The following C1QTNF3 variants were observed in gnomAD, a reference collection of about 807,000 sequenced individuals.
C1QTNF3 encodes C1q and TNF related 3.
In C1QTNF3, 26 loss-of-function variants were observed where a neutral mutation model predicts 32.6. The ratio of observed to expected loss-of-function variants is 0.80; its 90% CI spans 0.58 to 1.11. The LOEUF is 1.11. Ranked by LOEUF, C1QTNF3 falls within the 50% of genes least tolerant of loss-of-function variation. C1QTNF3 has a pLI of 0.00. For synonymous variants in C1QTNF3, 155 were observed against 146.0 expected, an observed-to-expected ratio of 1.06 and a Z score of -0.44; for missense variants, 362 against 398.2, an observed-to-expected ratio of 0.91 and a Z score of 0.77.
the C1QTNF3 span, among the ~76,000 whole-genome samples, chr5:34,196,660 A>ATTTTTTT: frequency 2.1e-5 from 3 of 140,984 alleles, no homozygotes; most frequent in African/African-American, 2.6e-5. Flanking sequence ...TTAATTTTTA[A>ATTTTTTT]TTTTTTTTTT....
the C1QTNF3 span, among the ~76,000 whole-genome samples, chr5:34,211,518 T>C: frequency 6.7e-6 from 1 of 150,102 alleles, no homozygotes; most frequent in Non-Finnish European, 1.5e-5. Context: ...ATTAGGTATA[T>C]CTCCCAATGC....
At chr5:34,037,292 A>G (rs930034060) in intron 1 of C1QTNF3, among the ~76,000 whole-genome samples, 8 of 152,220 alleles carry the variant, frequency 5.3e-5, no homozygotes, top group Non-Finnish European at 1.2e-4. Flanking sequence ...ATTCATGAAA[A>G]AAATGAAGCA....
the C1QTNF3 span, chr5:34,219,767 G>T: frequency 6.6e-6 from 1 of 152,104 alleles, no homozygotes; most frequent in Non-Finnish European, 1.5e-5. Context: ...GTATTCCCAT[G>T]CCTAGTCAGG....
chr5:34,115,182 CTG>C, the C1QTNF3 span, among the ~76,000 whole-genome samples: 1 of 152,146 alleles, frequency 6.6e-6, no homozygotes, highest in East Asian at 1.9e-4. Flanking sequence ...TTATCCAGCT[CTG>C]TGTTTGTTGG....
chr5:34,166,127 T>A, the C1QTNF3 span: 1 of 151,554 alleles, frequency 6.6e-6, no homozygotes, highest in East Asian at 1.9e-4. Flanking sequence ...ATATAATATT[T>A]TCTATAATAT....
the C1QTNF3 span, among the ~76,000 whole-genome samples, chr5:34,081,891 T>G: frequency 6.6e-6 from 1 of 151,660 alleles, no homozygotes; most frequent in Non-Finnish European, 1.5e-5. Context: ...CCTACATAAT[T>G]TTCAATTAAT....
At chr5:34,025,691 A>G (rs1224646943) in intron 4 of C1QTNF3, among the ~76,000 whole-genome samples, 1 of 152,260 alleles carries the variant, frequency 6.6e-6, no homozygotes, top group Non-Finnish European at 1.5e-5. Flanking sequence ...TGGTATCACT[A>G]GAAGCTGAAC....
chr5:34,056,645 T>C, the C1QTNF3 span, among the ~76,000 whole-genome samples: 1 of 151,582 alleles, frequency 6.6e-6, no homozygotes, highest in Non-Finnish European at 1.5e-5. Flanking sequence ...CCCGAGCAGC[T>C]GAGACTACAG....
chr5:34,111,599 AT>A, the C1QTNF3 span, among the ~76,000 whole-genome samples: 569 of 150,108 alleles, frequency 3.8e-3, 7 homozygotes, highest in Middle Eastern at 0.031. Context: ...TGTACCAATT[AT>A]TTATTAGCTA....
the C1QTNF3 span, among the ~76,000 whole-genome samples, chr5:34,216,111 T>G: frequency 4.0e-3 from 608 of 152,378 alleles, 6 homozygotes; most frequent in African/African-American, 0.014. Context: ...GGTATGATAT[T>G]GGCAAAGAAT....
the C1QTNF3 span, among the ~76,000 whole-genome samples, chr5:34,098,989 T>C: frequency 5.9e-5 from 9 of 152,222 alleles, no homozygotes; most frequent in African/African-American, 1.9e-4. Flanking sequence ...CAAATGTACA[T>C]GTTAACTGGA....
the C1QTNF3 span, among the ~76,000 whole-genome samples, chr5:34,087,509 A>ATAAGATAT: frequency 6.6e-6 from 1 of 150,858 alleles, no homozygotes; most frequent in African/African-American, 2.4e-5. Flanking sequence ...ATTTAATTGT[A>ATAAGATAT]TAAGATATCT....
the C1QTNF3 span, among the ~76,000 whole-genome samples, chr5:34,123,122 C>T: frequency 6.6e-6 from 1 of 152,110 alleles, no homozygotes; most frequent in Admixed American, 6.5e-5. Context: ...CTAGAAGGTC[C>T]AGGCAGAGAA....
the C1QTNF3 span, among the ~76,000 whole-genome samples, chr5:34,142,886 A>G: frequency 6.6e-6 from 1 of 152,248 alleles, no homozygotes; most frequent in African/African-American, 2.4e-5. Flanking sequence ...GTGTGTACTT[A>G]CTTCCAAAGG....
chr5:34,244,006 AATATT>A, the C1QTNF3 span, among the ~76,000 whole-genome samples: 3 of 152,232 alleles, frequency 2.0e-5, no homozygotes. Context: ...ATTAGAATAT[AATATT>A]TTTTAAGGGG....
the C1QTNF3 span, among the ~76,000 whole-genome samples, chr5:34,235,545 T>C: frequency 3.6e-5 from 5 of 137,546 alleles, no homozygotes; most frequent in Non-Finnish European, 7.7e-5. Flanking sequence ...TATTTCTTTT[T>C]CTTTTTTTTT....
At chr5:34,163,148 A>AT in the C1QTNF3 span, among the ~76,000 whole-genome samples, 1 of 152,034 alleles carries the variant, frequency 6.6e-6, no homozygotes, top group African/African-American at 2.4e-5. Flanking sequence ...TTGCATATCC[A>AT]TTTTTGGAGG....
the C1QTNF3 span, among the ~76,000 whole-genome samples, chr5:34,049,369 G>A: frequency 1.3e-5 from 2 of 152,114 alleles, no homozygotes; most frequent in Non-Finnish European, 2.9e-5. Flanking sequence ...AGGACACAGT[G>A]ACCTTCCCCA....
At chr5:34,204,292 T>C in the C1QTNF3 span, among the ~76,000 whole-genome samples, 1 of 152,204 alleles carries the variant, frequency 6.6e-6, no homozygotes, top group Non-Finnish European at 1.5e-5. Context: ...GATAATTATA[T>C]GAAAAAGGTA....
Sources: allele counts gnomAD v4.1 joint callset (sites outside exome capture counted in the v4.1 genomes callset), GRCh38; gene constraint gnomAD v4.1.1; transcripts MANE v1.5; gene names NCBI Gene and HGNC (gene_info 2026-07-23, HGNC 2026-07-21).